TEX10: variants seen among roughly 807,000 people sequenced by gnomAD.
TEX10 encodes testis expressed 10, also known as testis-expressed protein 10.
A neutral mutation model predicts 104.4 loss-of-function variants in TEX10; 24 were observed. The observed-to-expected ratio is 0.23, with a 90% CI of 0.17 to 0.32. The LOEUF is 0.32. Ranked by LOEUF, TEX10 falls within the 10% of genes least tolerant of loss-of-function variation. The pLI is 1.00. For missense variants in TEX10, 921 were observed against 1,083.9 expected, an observed-to-expected ratio of 0.85 and a Z score of 2.11; for synonymous variants, 396 against 393.4, an observed-to-expected ratio of 1.01 and a Z score of -0.08.
Position 100,340,317 on chromosome 9 carries a change from C to T in TEX10, c.1190G>A (p.Ser397Asn). Residue 397 changes from serine to asparagine, a missense_variant, in exon 5 of 15, where the codon AGT becomes AAT. By Grantham distance (46) the Ser-to-Asn change is conservative (BLOSUM62 1). This residue lies in a region of TEX10 where 753 missense variants were observed against 868.4 expected (regional missense o/e 0.87). Coordinates refer to ENST00000374902, the MANE Select transcript of TEX10 (RefSeq NM_017746.4). ...YLIDFKHHFM[S>N]RFPYVLKEIT... Reference sequence around the variant, plus strand: ...TTCTTTTAAGACATATGGAAAACGACTCATAAAATGGTGTTTAAAATCAAT... The same window carrying T: ...TTCTTTTAAGACATATGGAAAACGATTCATAAAATGGTGTTTAAAATCAAT... 3.8e-6 allele frequency: 6 copies of T among 1,573,890 alleles called. No individual in the cohort carries two copies. The highest frequency in any genetic ancestry group is 4.3e-6 in the Non-Finnish European group (5 of 1,166,460).
chr9:100,336,338 C>A (rs1336737571), intron 5 of TEX10, among the ~76,000 whole-genome samples: 1 of 152,148 alleles, frequency 6.6e-6, no homozygotes, highest in Non-Finnish European at 1.5e-5. Flanking sequence ...GAGCGGCAGG[C>A]AAATGAAGAT....
chr9:100,334,431 G>T (rs1394652225), intron 5 of TEX10, among the ~76,000 whole-genome samples: 2 of 152,032 alleles, frequency 1.3e-5, no homozygotes, highest in African/African-American at 4.8e-5. Context: ...AAATGCGAGA[G>T]AAATACATTT....
Position 100,347,084 on chromosome 9 carries a change from A to G in TEX10, c.503T>C (p.Leu168Pro), listed in dbSNP as rs761860488. 6.2e-7 allele frequency: 1 copy of G among 1,614,248 alleles called. No individual in the cohort carries two copies. Residue 168 changes from leucine to proline, a missense_variant, in exon 3 of 15, where the codon CTG becomes CCG. By Grantham distance (98) the Leu-to-Pro change is moderately conservative. This residue lies in a region of TEX10 where 50 missense variants were observed against 104.2 expected (regional missense o/e 0.48). Coordinates refer to ENST00000374902, the MANE Select transcript of TEX10 (RefSeq NM_017746.4). ...EDSLKVLDIL[L>P]EQYPALITGR... ...AGTAATTAGAGCTGGGTACTGTTCCAGCAGAATGTCCAAAACTTTTAAAGA... is the reference window on the plus strand; with the variant it reads ...AGTAATTAGAGCTGGGTACTGTTCCGGCAGAATGTCCAAAACTTTTAAAGA...
At chr9:100,333,620 TAAG>T (rs1327617509) in intron 5 of TEX10, among the ~76,000 whole-genome samples, 1 of 82,278 alleles carries the variant, frequency 1.2e-5, no homozygotes, top group Non-Finnish European at 2.4e-5. Flanking sequence ...CTGGACAACA[TAAG>T]AAGACCCCAT....
chr9:100,352,725 G>A, intron 1 of TEX10, 47 bp downstream of exon 1: 4 of 1,217,274 alleles, frequency 3.3e-6, no homozygotes, highest in South Asian at 2.6e-5. Flanking sequence ...ACCACGCTCA[G>A]TCCCGCGCCC....
intron 6 of TEX10, 85 bp from the exon 7 acceptor site, chr9:100,329,360 T>C (rs1834794486): frequency 1.3e-6 from 2 of 1,486,696 alleles, no homozygotes; most frequent in Non-Finnish European, 1.8e-6. Context: ...CGAAGTACTT[T>C]ACTTTCTTCC....
intron 11 of TEX10, among the ~76,000 whole-genome samples, chr9:100,319,944 C>T (rs1048925910): frequency 2.0e-4 from 30 of 152,184 alleles, no homozygotes; most frequent in African/African-American, 6.7e-4. Context: ...AATAATCTAC[C>T]GTTTAAAAAG....
In TEX10 at chr9:100,302,109, CAA is replaced by C. The variant is rs146292456; in HGVS notation, c.*80_*81del. The stretch of plus-strand genomic sequence containing the variant: ...TTCTTTAAAAGTTCAGCTTTAATGA[CAA>C]AGATCTATTACATCAGTCTTTTTCT... On this transcript the variant is annotated 3_prime_UTR_variant, in exon 15 of 15. Coordinates refer to ENST00000374902, the MANE Select transcript of TEX10 (RefSeq NM_017746.4). The C allele has an allele frequency of 1.2e-6, 1 of 814,214 alleles. No individual in the cohort carries two copies. The highest frequency in any genetic ancestry group is 1.9e-6 in the Non-Finnish European group (1 of 534,458). The allele number at this position is 814,214 out of a possible 1,614,324, so 50.4% of individuals were successfully genotyped here. A position where few individuals can be genotyped will look rare whatever the true frequency, so the allele number is the denominator to read the frequency against.
chr9:100,314,602 G>A (rs1395396534), intron 11 of TEX10, among the ~76,000 whole-genome samples: 1 of 151,892 alleles, frequency 6.6e-6, no homozygotes, highest in African/African-American at 2.4e-5. Flanking sequence ...TGTCTATTTG[G>A]ATCTTCACTA....
rs200568844 is a variant in TEX10, at chr9:100,346,167, T to C, written c.1042A>G (p.Ile348Val). 210 of 1,613,960 alleles carry C rather than the reference T, an allele frequency of 1.3e-4. No homozygotes were observed. The highest frequency in any genetic ancestry group is 1.6e-4 in the Non-Finnish European group (193 of 1,179,972). The change falls in exon 4 of 15, where the codon ATA becomes GTA. Residue 348 changes from isoleucine to valine, a missense_variant. Physicochemically the swap from Ile to Val is conservative, Grantham distance 29 (BLOSUM62 3). Coordinates refer to ENST00000374902, the MANE Select transcript of TEX10 (RefSeq NM_017746.4). The part of the protein sequence containing the change: ...PQLATPVGNG[I>V]EREPLQVMQQ... ...ATAACCTGTAGAGGTTCTCGTTCTA[T>C]ACCATTCCCAACAGGAGTAGCTAGT...
In TEX10 at chr9:100,352,818, G is replaced by C. The variant is rs749137931; in HGVS notation, c.-56C>G. ...GGGCGAGAAGCCCGAGAAGACAAGC[G>C]AGGGAGCAGAAGCCCACGGGGCAAC... On this transcript the variant is annotated 5_prime_UTR_variant, in exon 1 of 15. Transcript: ENST00000374902. 1 of 1,046,130 alleles carries C rather than the reference G, an allele frequency of 9.6e-7. No homozygotes were observed. The highest frequency in any genetic ancestry group is 1.1e-6 in the Non-Finnish European group (1 of 871,630). 64.8% of individuals were successfully genotyped at this position (1,046,130 alleles called of 1,614,324 possible).
rs550474627 is a variant in TEX10 at position 100,347,729 on chromosome 9, G to A, written c.181-323C>T. On this transcript the variant is annotated intron_variant, in intron 2 of 14. Transcript: ENST00000374902. ...CTACTAGGTACCAAACATCATGGAA[G>A]GTGTATATATATACTCTTGACAGGC... Among the ~76,000 whole-genome samples, 3 of 152,170 alleles carry A rather than the reference G, an allele frequency of 2.0e-5. 1 individual carries two copies. Among genetic ancestry groups the A allele is most frequent in the South Asian group, 4.2e-4 (2 of 4,806 alleles).
At chr9:100,324,374 G>A (rs1379210161) in intron 9 of TEX10, among the ~76,000 whole-genome samples, 1 of 152,072 alleles carries the variant, frequency 6.6e-6, no homozygotes, top group African/African-American at 2.4e-5. Context: ...AAATGATGGT[G>A]CTATGGGCTC....
intron 1 of TEX10, among the ~76,000 whole-genome samples, chr9:100,351,583 T>C (rs1468088935): frequency 6.6e-6 from 1 of 152,178 alleles, no homozygotes; most frequent in African/African-American, 2.4e-5. Context: ...TCAGAAAAAT[T>C]AACTCCCTTC....
At chr9:100,322,057 C>T (rs1238390836) in intron 9 of TEX10, among the ~76,000 whole-genome samples, 5 of 152,148 alleles carry the variant, frequency 3.3e-5, no homozygotes, top group Admixed American at 3.3e-4. Flanking sequence ...AAATCAGACT[C>T]TAAGGAGCCA....
chr9:100,326,819 C>A lies in TEX10; in HGVS notation c.1802-340G>T, dbSNP rs539450603. Reference sequence around the variant, plus strand: ...AACAGTGACAATTACATCAACCTGACTTAAAGCAAAAGACTTTGTTTGCTG... The same window carrying A: ...AACAGTGACAATTACATCAACCTGAATTAAAGCAAAAGACTTTGTTTGCTG... On this transcript the variant is annotated intron_variant, in intron 8 of 14. Coordinates refer to ENST00000374902, the MANE Select transcript of TEX10 (RefSeq NM_017746.4). Among the ~76,000 whole-genome samples the A allele has an allele frequency of 2.0e-5, 3 of 152,246 alleles. No homozygotes were observed. In the South Asian group the frequency reaches 6.2e-4, roughly 32 times the overall value.
At chr9:100,350,150 C>T (rs1835405453) in intron 1 of TEX10, among the ~76,000 whole-genome samples, 1 of 152,124 alleles carries the variant, frequency 6.6e-6, no homozygotes, top group Non-Finnish European at 1.5e-5. Flanking sequence ...GTACTTCCTC[C>T]CCCTCTATAC....
At position 100,311,819 on chromosome 9, in the gene TEX10, A is replaced by G. The variant is rs936619391; in HGVS notation, c.2203-1440T>C. 1.1e-4 allele frequency among the ~76,000 whole-genome samples: 16 copies of G among 152,350 alleles called. 1 individual carries two copies. The highest frequency in any genetic ancestry group is 7.8e-4 in the Admixed American group (12 of 15,300). On this transcript the variant is annotated intron_variant, in intron 11 of 14. Coordinates refer to ENST00000374902, the MANE Select transcript of TEX10 (RefSeq NM_017746.4). ...CCAGAATCTGATACAGTATACTACC[A>G]AAAATGAAATATGTAAAAACATCAC... is the stretch of plus-strand genomic sequence containing the variant.
At chr9:100,329,566 A>G (rs1017226044) in intron 6 of TEX10, among the ~76,000 whole-genome samples, 6 of 152,220 alleles carry the variant, frequency 3.9e-5, no homozygotes, top group Non-Finnish European at 7.4e-5. Flanking sequence ...TTTAAAATCA[A>G]AGAATTAGTA....
Sources: allele counts gnomAD v4.1 joint callset (sites outside exome capture counted in the v4.1 genomes callset), GRCh38; gene constraint gnomAD v4.1.1; regional missense constraint gnomAD v4.1.1; transcripts MANE v1.5; gene names NCBI Gene and HGNC (gene_info 2026-07-23, HGNC 2026-07-21).